The following CUL3 variants were observed in gnomAD, a reference collection of about 807,000 sequenced individuals.
CUL3 encodes cullin 3, also known as cullin-3.
A neutral mutation model predicts 89.1 loss-of-function variants in CUL3; 19 were observed. The ratio of observed to expected loss-of-function variants is 0.21; its 90% CI spans 0.15 to 0.31. CUL3 has a LOEUF of 0.31. CUL3 is among the 10% of genes least tolerant of loss of function. The pLI, the probability that CUL3 is intolerant of heterozygous loss-of-function variation, is 1.00. For missense variants in CUL3, 469 were observed against 942.3 expected (o/e 0.50, Z 6.58); for synonymous variants, 351 against 308.4 (o/e 1.14, Z -1.45).
chr2:224,530,256 CAAAACA>C (rs1290570282), intron 3 of CUL3, among the ~76,000 whole-genome samples: 1 of 151,780 alleles, frequency 6.6e-6, no homozygotes, highest in East Asian at 1.9e-4. Flanking sequence ...CAAAACAAAA[CAAAACA>C]AAAACAAAAA....
chr2:224,573,790 C>T (rs1446427539), intron 1 of CUL3, among the ~76,000 whole-genome samples: 2 of 152,002 alleles, frequency 1.3e-5, no homozygotes, highest in Non-Finnish European at 2.9e-5. Flanking sequence ...TTTACTAGTC[C>T]TCTCTGAGAC....
In CUL3 at chr2:224,511,595, A is replaced by AAT. The variant is rs1487726917; in HGVS notation, c.655-15_655-14dup. ...TCTGGCTTTCCATCTGCCATTTAAA[A>AAT]ATATATATATTTTTTAAACATAGAA... On this transcript the variant is annotated splice_polypyrimidine_tract_variant and intron_variant, in intron 5 of 15. Coordinates refer to ENST00000264414, the MANE Select transcript of CUL3 (RefSeq NM_003590.5). 8.5e-6 allele frequency: 12 copies of AAT among 1,409,854 alleles called. No homozygotes were observed. The highest frequency in any genetic ancestry group is 1.1e-5 in the Non-Finnish European group (11 of 1,027,598). The allele number at this position is 1,409,854 out of a possible 1,614,324, so 87.3% of individuals were successfully genotyped here.
At chr2:224,477,503 A>G (rs1242052688) in intron 15 of CUL3, among the ~76,000 whole-genome samples, 6 of 152,232 alleles carry the variant, frequency 3.9e-5, no homozygotes, top group Non-Finnish European at 8.8e-5. Flanking sequence ...TGCAACTTCT[A>G]GCCCTCATGT....
At chr2:224,526,446 C>T (rs561806476) in intron 3 of CUL3, among the ~76,000 whole-genome samples, 242 of 151,672 alleles carry the variant, frequency 1.6e-3, no homozygotes, top group Middle Eastern at 0.01. Context: ...ATTAGCTGGA[C>T]GTGGTGGTGG....
chr2:224,543,283 A>G (rs1045188267), intron 2 of CUL3, among the ~76,000 whole-genome samples: 4 of 152,210 alleles, frequency 2.6e-5, no homozygotes, highest in Admixed American at 6.5e-5. Context: ...ACAAATCCCC[A>G]AAGTACAGAA....
At chr2:224,523,051 C>A (rs1468440435) in intron 3 of CUL3, among the ~76,000 whole-genome samples, 1 of 152,022 alleles carries the variant, frequency 6.6e-6, no homozygotes, top group Non-Finnish European at 1.5e-5. Flanking sequence ...GGAAAAAAAA[C>A]AGTTAATCAC....
chr2:224,550,060 A>C (rs1427399127), intron 2 of CUL3, among the ~76,000 whole-genome samples: 1 of 152,196 alleles, frequency 6.6e-6, no homozygotes, highest in Admixed American at 6.5e-5. Context: ...CTCAGGGTGC[A>C]ATCCTGGGCC....
chr2:224,576,066 T>G (rs1695290415), intron 1 of CUL3, among the ~76,000 whole-genome samples: 1 of 152,136 alleles, frequency 6.6e-6, no homozygotes, highest in Admixed American at 6.5e-5. Flanking sequence ...GAGCATGAGT[T>G]CAGGAAGTCA....
At chr2:224,501,137 T>C (rs988078201) in intron 10 of CUL3, among the ~76,000 whole-genome samples, 1 of 152,242 alleles carries the variant, frequency 6.6e-6, no homozygotes, top group Non-Finnish European at 1.5e-5. Context: ...TTATATCATT[T>C]TAGAGAAAAT....
chr2:224,546,254 C>A (rs1157170279), intron 2 of CUL3, among the ~76,000 whole-genome samples: 2 of 152,084 alleles, frequency 1.3e-5, no homozygotes, highest in Non-Finnish European at 2.9e-5. Flanking sequence ...AGCATGACAA[C>A]AAAGCTACCA....
At chr2:224,551,860 T>C (rs1318318018) in intron 2 of CUL3, among the ~76,000 whole-genome samples, 3 of 152,194 alleles carry the variant, frequency 2.0e-5, no homozygotes, top group African/African-American at 7.2e-5. Flanking sequence ...AACCCACTTT[T>C]CTTGTGAGCG....
At chr2:224,521,206 G>A (rs904771846) in intron 3 of CUL3, among the ~76,000 whole-genome samples, 1 of 152,072 alleles carries the variant, frequency 6.6e-6, no homozygotes, top group African/African-American at 2.4e-5. Flanking sequence ...GTGCACCCAA[G>A]GAAAGAAACA....
chr2:224,506,842 T>C lies in CUL3; in HGVS notation c.1029+16A>G. ...GCCTTTATCATAAACACAGAGAATC[T>C]TCTGGGTTTACTTACCTGGATATAG... is the stretch of plus-strand genomic sequence containing the variant. On this transcript the variant is annotated intron_variant, in intron 7 of 15. Transcript: ENST00000264414. 6.2e-7 allele frequency: 1 copy of C among 1,609,846 alleles called. No homozygotes were observed. Among genetic ancestry groups the C allele is most frequent in the Non-Finnish European group, 8.5e-7 (1 of 1,178,290 alleles).
Position 224,478,185 on chromosome 2 carries a change from G to T in CUL3, c.2175+15C>A, listed in dbSNP as rs778577745. 2.5e-6 allele frequency: 4 copies of T among 1,599,986 alleles called. No individual in the cohort carries two copies. The South Asian group carries it at 4.5e-5, about 18-fold the overall frequency. On this transcript the variant is annotated intron_variant, in intron 15 of 15. Transcript: ENST00000264414. ...CTGTTTTTTCTATATTAGCCCAGTA[G>T]TGAAGAGTCCTCACCTCCGCTACTA...
intron 2 of CUL3, among the ~76,000 whole-genome samples, chr2:224,553,097 C>T (rs1177845534): frequency 6.6e-6 from 1 of 152,034 alleles, no homozygotes; most frequent in Non-Finnish European, 1.5e-5. Flanking sequence ...TGTCAGAGGT[C>T]CTACCTTAGG....
chr2:224,549,044 G>A (rs2106288771), intron 2 of CUL3, among the ~76,000 whole-genome samples: 1 of 151,462 alleles, frequency 6.6e-6, no homozygotes, highest in African/African-American at 2.4e-5. Flanking sequence ...GCTGGACGCT[G>A]TGGCTCACGC....
intron 2 of CUL3, among the ~76,000 whole-genome samples, chr2:224,539,395 G>A (rs1048630498): frequency 7.9e-5 from 12 of 152,180 alleles, no homozygotes; most frequent in African/African-American, 2.9e-4. Context: ...CAGTTTGGCA[G>A]TTTCTAACGA....
intron 3 of CUL3, among the ~76,000 whole-genome samples, chr2:224,535,237 A>C (rs1463882863): frequency 6.6e-6 from 1 of 152,030 alleles, no homozygotes; most frequent in African/African-American, 2.4e-5. Context: ...CCCAAGTGAG[A>C]GTGCAGTGGC....
chr2:224,533,197 T>C (rs918828580), intron 3 of CUL3: 1 of 152,180 alleles, frequency 6.6e-6, no homozygotes, highest in South Asian at 2.1e-4. Flanking sequence ...GTATGAATTT[T>C]CAGTTCATGC....
Sources: gnomAD v4.1 joint callset for allele counts (sites outside exome capture counted in the v4.1 genomes callset) on GRCh38, gnomAD v4.1.1 for gene constraint, MANE v1.5 for transcripts, NCBI Gene and HGNC (gene_info 2026-07-23, HGNC 2026-07-21) for gene names.